The following DOCK1 variants were observed in gnomAD, a reference collection of about 807,000 sequenced individuals.
DOCK1 encodes dedicator of cytokinesis protein 1.
A neutral mutation model predicts 262.7 loss-of-function variants in DOCK1; 138 were observed. The observed-to-expected ratio is 0.53, with a 90% confidence interval of 0.46 to 0.61. DOCK1 has a LOEUF of 0.61. DOCK1 is among the 20% of genes least tolerant of loss of function. DOCK1 has a pLI of 0.00. For synonymous variants in DOCK1, 866 were observed against 867.4 expected (o/e 1.00, Z 0.03); for missense variants, 1,908 against 2,370.7 (o/e 0.80, Z 4.05).
In DOCK1 at chr10:127,234,558, C is replaced by CTGA. The variant is rs368714258; in HGVS notation, c.2848-13448_2848-13446dup. ...CAGTTTGCATGTCTAAGTGGGAAGG[C>CTGA]TGATATTGTAAGCCTCTTCAATTAA... On this transcript the variant is annotated intron_variant, in intron 27 of 51. Coordinates refer to ENST00000623213, the MANE Select transcript of DOCK1 (RefSeq NM_001290223.2). Among the ~76,000 whole-genome samples, 925 of 152,228 alleles carry CTGA rather than the reference C, an allele frequency of 6.1e-3. 14 individuals carry two copies. The highest frequency in any genetic ancestry group is 0.021 in the African/African-American group (882 of 41,556).
At chr10:127,032,430 C>A in intron 18 of DOCK1, 110 bp downstream of exon 18, 1 of 1,151,826 alleles carries the variant, frequency 8.7e-7, no homozygotes, top group Non-Finnish European at 1.2e-6. Context: ...GAACGTCACC[C>A]ATAAGGCATT....
At chr10:126,983,067 GCAGA>G (rs1287267897) in intron 4 of DOCK1, among the ~76,000 whole-genome samples, 1 of 152,204 alleles carries the variant, frequency 6.6e-6, no homozygotes, top group Non-Finnish European at 1.5e-5. Context: ...AACCAGACAG[GCAGA>G]CAGAGACACA....
intron 27 of DOCK1, among the ~76,000 whole-genome samples, chr10:127,166,441 C>G (rs939106626): frequency 1.3e-5 from 2 of 152,222 alleles, no homozygotes; most frequent in Non-Finnish European, 2.9e-5. Flanking sequence ...GTGGGCCGGT[C>G]TGACAGCCCA....
chr10:127,415,934 G>GTCTCAGTGCCTTTTGTTTTCA, intron 44 of DOCK1, among the ~76,000 whole-genome samples: 2 of 152,352 alleles, frequency 1.3e-5, no homozygotes, highest in African/African-American at 4.8e-5. Context: ...TTGTTCATGT[G>GTCTCAGTGCCTTTTGTTTTCA]TCTCAGTGCC....
intron 43 of DOCK1, among the ~76,000 whole-genome samples, chr10:127,411,821 C>T (rs1025853708): frequency 6.6e-6 from 1 of 152,084 alleles, no homozygotes; most frequent in South Asian, 2.1e-4. Context: ...GCCTGGGGAA[C>T]GAGAGTGAAA....
chr10:127,037,056 A>G (rs17771462), intron 18 of DOCK1, among the ~76,000 whole-genome samples: 46,434 of 151,078 alleles, frequency 0.31, 7,764 homozygotes, highest in East Asian at 0.39. Context: ...CTTCTTCCAC[A>G]TTGACTCTTT....
chr10:127,388,010 C>CT (rs1272627877), intron 38 of DOCK1, among the ~76,000 whole-genome samples: 1 of 152,158 alleles, frequency 6.6e-6, no homozygotes, highest in Non-Finnish European at 1.5e-5. Flanking sequence ...GTTCTCCTGA[C>CT]TGGGGGAAGA....
chr10:127,222,019 G>A (rs923282768), intron 27 of DOCK1, among the ~76,000 whole-genome samples: 7 of 144,778 alleles, frequency 4.8e-5, no homozygotes, highest in Non-Finnish European at 7.5e-5. Context: ...TGCTTGCTGC[G>A]TAACAAAGTA....
chr10:126,981,894 A>C, intron 3 of DOCK1, 24 bp from the exon 4 acceptor site: 2 of 1,599,098 alleles, frequency 1.3e-6, no homozygotes, highest in Non-Finnish European at 8.5e-7. Flanking sequence ...AATAAAAGCT[A>C]CTGTTTTTTT....
At chr10:127,052,628 T>G (rs2044813212) in intron 21 of DOCK1, 53 bp from the exon 22 acceptor site, 1 of 1,612,598 alleles carries the variant, frequency 6.2e-7, no homozygotes. Flanking sequence ...CAGTTAAGAT[T>G]TGAGATATTT....
intron 27 of DOCK1, among the ~76,000 whole-genome samples, chr10:127,192,252 A>G (rs932454941): frequency 1.3e-5 from 2 of 152,232 alleles, no homozygotes; most frequent in Non-Finnish European, 2.9e-5. Context: ...GCTCTATAAA[A>G]TAAATATTCA....
chr10:127,091,088 TCTC>T (rs2047500310), intron 23 of DOCK1, among the ~76,000 whole-genome samples: 1 of 151,760 alleles, frequency 6.6e-6, no homozygotes, highest in Non-Finnish European at 1.5e-5. Context: ...TTCACACCAT[TCTC>T]CTGCCTCAGC....
chr10:127,357,402 G>A (rs986453729), intron 32 of DOCK1, among the ~76,000 whole-genome samples: 6 of 152,160 alleles, frequency 3.9e-5, no homozygotes, highest in Non-Finnish European at 8.8e-5. Context: ...GTTTCTCCGC[G>A]TGCCCTCTCC....
intron 29 of DOCK1, among the ~76,000 whole-genome samples, chr10:127,295,713 G>A (rs1006607311): frequency 6.6e-6 from 1 of 151,978 alleles, no homozygotes; most frequent in Non-Finnish European, 1.5e-5. Flanking sequence ...TGATTGGGAG[G>A]GTTTGGGGCC....
At chr10:127,361,004 CAGT>C (rs1477867870) in intron 32 of DOCK1, among the ~76,000 whole-genome samples, 1 of 150,970 alleles carries the variant, frequency 6.6e-6, no homozygotes, top group Non-Finnish European at 1.5e-5. Flanking sequence ...TGATCATATT[CAGT>C]ATTATTCACA....
chr10:127,246,500 A>G (rs1278317567), intron 27 of DOCK1, among the ~76,000 whole-genome samples: 1 of 152,234 alleles, frequency 6.6e-6, no homozygotes, highest in Non-Finnish European at 1.5e-5. Flanking sequence ...TCAAAAGTTC[A>G]CAAATTTTGC....
At chr10:127,419,443 G>A (rs1385119601) in intron 45 of DOCK1, among the ~76,000 whole-genome samples, 1 of 152,182 alleles carries the variant, frequency 6.6e-6, no homozygotes, top group South Asian at 2.1e-4. Flanking sequence ...CCAAGAACTG[G>A]GGTTGCTGCT....
At chr10:127,318,377 G>A (rs2062374384) in intron 29 of DOCK1, among the ~76,000 whole-genome samples, 2 of 152,206 alleles carry the variant, frequency 1.3e-5, no homozygotes, top group South Asian at 4.1e-4. Context: ...CTGAAGGAGA[G>A]GCACACGGTT....
chr10:127,027,190 T>C (rs2042925703), intron 16 of DOCK1, among the ~76,000 whole-genome samples: 1 of 152,216 alleles, frequency 6.6e-6, no homozygotes, highest in Admixed American at 6.5e-5. Context: ...AGACCGCCCT[T>C]TGTCACTGAT....
Sources: allele counts gnomAD v4.1 joint callset (sites outside exome capture counted in the v4.1 genomes callset), GRCh38; gene constraint gnomAD v4.1.1; transcripts MANE v1.5; gene names NCBI Gene and HGNC (gene_info 2026-07-23, HGNC 2026-07-21).